HFM1: variants seen among roughly 807,000 people sequenced by gnomAD.
The protein encoded by HFM1 is helicase for meiosis 1.
In HFM1, 169 loss-of-function variants were observed where a neutral mutation model predicts 192.1. The observed-to-expected ratio is 0.88, with a 90% CI of 0.78 to 1.00. The LOEUF (loss-of-function observed/expected upper bound fraction) is 1.00. Among genes scored for constraint, HFM1 ranks in the 50% least tolerant of loss-of-function variants. The probability of loss-of-function intolerance (pLI) is 0.00; values close to 1 mark genes in which losing one functional copy is unlikely to be tolerated. For missense variants in HFM1, 1,661 were observed against 1,668.0 expected (o/e 1.00, Z 0.07); for synonymous variants, 525 against 537.8 (o/e 0.98, Z 0.33).
chr1:91,314,041 C>G lies in HFM1; in HGVS notation c.3160G>C (p.Ala1054Pro), dbSNP rs1650855756. Residue 1054 changes from alanine (A) to proline (P), a missense_variant, in exon 29 of 39, where the codon GCT (alanine) becomes CCT (proline). Ala to Pro is a conservative substitution (Grantham distance 27, BLOSUM62 -1). Transcript: ENST00000370425. The part of the protein sequence containing the change: ...HKITDSVLLK[A>P]GSWAKKIAVK... ...GCAATCTTTTTAGCCCAACTTCCAG[C>G]TTTTAGCAAAACAGAATCCCTGAAA... 6.2e-7 allele frequency: 1 copy of G among 1,606,924 alleles called. No homozygotes were observed. The highest frequency in any genetic ancestry group is 8.5e-7 in the Non-Finnish European group (1 of 1,174,828).
intron 4 of HFM1, among the ~76,000 whole-genome samples, chr1:91,392,346 C>A (rs1235460987): frequency 6.6e-6 from 1 of 152,152 alleles, no homozygotes; most frequent in South Asian, 2.1e-4. Flanking sequence ...TGGAACCAAC[C>A]AAATGTCCAT....
chr1:91,369,501 C>T (rs942698052), intron 13 of HFM1, among the ~76,000 whole-genome samples: 1 of 152,092 alleles, frequency 6.6e-6, no homozygotes, highest in Non-Finnish European at 1.5e-5. Flanking sequence ...CTACTGGGTA[C>T]ATAATGAAAT....
intron 13 of HFM1, among the ~76,000 whole-genome samples, chr1:91,356,550 C>T (rs972781742): frequency 1.3e-5 from 2 of 151,598 alleles, no homozygotes; most frequent in African/African-American, 2.4e-5. Context: ...CCTACAGGAG[C>T]TAGCAAAAGA....
At chr1:91,348,849 A>G (rs553263701) in intron 18 of HFM1, among the ~76,000 whole-genome samples, 52 of 152,088 alleles carry the variant, frequency 3.4e-4, no homozygotes, top group Admixed American at 2.5e-3. Flanking sequence ...ACTTGAGCCC[A>G]GAAGGTTGAA....
chr1:91,401,156 A>T, intron 1 of HFM1, 47 bp from the exon 2 acceptor site: 2 of 822,532 alleles, frequency 2.4e-6, no homozygotes, highest in Admixed American at 3.3e-5. Context: ...ATAAAGATGT[A>T]AAAAAATATT....
intron 13 of HFM1, among the ~76,000 whole-genome samples, chr1:91,355,851 C>G (rs911585895): frequency 6.6e-6 from 1 of 152,128 alleles, no homozygotes; most frequent in Non-Finnish European, 1.5e-5. Context: ...TTGAATTGTA[C>G]TTTGAGTCAA....
chr1:91,328,594 A>G, intron 20 of HFM1: 1 of 1,606,276 alleles, frequency 6.2e-7, no homozygotes, highest in Non-Finnish European at 8.5e-7. Context: ...CTACCGCACT[A>G]TTCGCGTGAT....
chr1:91,299,395 G>C (rs1373469025), intron 30 of HFM1, among the ~76,000 whole-genome samples: 2 of 152,110 alleles, frequency 1.3e-5, no homozygotes, highest in Admixed American at 1.3e-4. Flanking sequence ...CGTTAAAAAG[G>C]ATATCCAGGA....
At chr1:91,296,029 T>C (rs1396671351) in intron 30 of HFM1, among the ~76,000 whole-genome samples, 2 of 152,030 alleles carry the variant, frequency 1.3e-5, no homozygotes, top group African/African-American at 2.4e-5. Context: ...CCCAGGTTCA[T>C]GCCATTCACC....
intron 23 of HFM1, among the ~76,000 whole-genome samples, chr1:91,321,223 C>G (rs544417332): frequency 2.0e-5 from 3 of 152,284 alleles, no homozygotes; most frequent in African/African-American, 7.2e-5. Context: ...AGGTGGATCA[C>G]CTTTGAGGTC....
intron 25 of HFM1, among the ~76,000 whole-genome samples, chr1:91,317,346 G>C (rs1383764670): frequency 6.6e-6 from 1 of 152,082 alleles, no homozygotes; most frequent in South Asian, 2.1e-4. Context: ...CCCGAGAGGC[G>C]GAGGTTGCGG....
chr1:91,300,969 C>T (rs529701125), intron 30 of HFM1, among the ~76,000 whole-genome samples: 4 of 152,328 alleles, frequency 2.6e-5, no homozygotes, highest in African/African-American at 4.8e-5. Context: ...AAAGAGTATT[C>T]GATTAGGAAA....
chr1:91,385,120 A>T, intron 6 of HFM1, 67 bp downstream of exon 6: 1 of 958,400 alleles, frequency 1.0e-6, no homozygotes, highest in Non-Finnish European at 1.6e-6. Flanking sequence ...AAACACAATT[A>T]AACAAATGTT....
chr1:91,276,194 A>G (rs1205711471), intron 32 of HFM1, among the ~76,000 whole-genome samples: 1 of 152,156 alleles, frequency 6.6e-6, no homozygotes, highest in Non-Finnish European at 1.5e-5. Context: ...TCAGGTCCCA[A>G]TCACATCTAT....
At chr1:91,353,581 T>G (rs1197105074) in intron 13 of HFM1, among the ~76,000 whole-genome samples, 1 of 147,844 alleles carries the variant, frequency 6.8e-6, no homozygotes, top group African/African-American at 2.5e-5. Context: ...AAAAGTCTAC[T>G]CTCATAATTT....
chr1:91,405,277 AAC>A (rs1247988304), upstream of HFM1, among the ~76,000 whole-genome samples: 1 of 152,226 alleles, frequency 6.6e-6, no homozygotes, highest in Non-Finnish European at 1.5e-5. Context: ...AATATTCTAA[AAC>A]ACAATGATAT....
At chr1:91,269,457 C>G (rs1358592227) in intron 34 of HFM1, among the ~76,000 whole-genome samples, 1 of 152,114 alleles carries the variant, frequency 6.6e-6, no homozygotes, top group Non-Finnish European at 1.5e-5. Flanking sequence ...TCCAGCATAT[C>G]ACTGAGTTTC....
intron 28 of HFM1, among the ~76,000 whole-genome samples, chr1:91,315,100 A>T (rs928007927): frequency 1.3e-5 from 2 of 152,216 alleles, no homozygotes; most frequent in African/African-American, 4.8e-5. Context: ...CTATATGACC[A>T]TGATTAAGGT....
chr1:91,400,367 G>A (rs558533976), intron 2 of HFM1, among the ~76,000 whole-genome samples: 6 of 152,144 alleles, frequency 3.9e-5, no homozygotes, highest in Non-Finnish European at 5.9e-5. Context: ...AGATGGTGAC[G>A]TCATTCCTTG....
Sources: allele counts gnomAD v4.1 joint callset (sites outside exome capture counted in the v4.1 genomes callset), GRCh38; gene constraint gnomAD v4.1.1; transcripts MANE v1.5; gene names NCBI Gene and HGNC (gene_info 2026-07-23, HGNC 2026-07-21).